The following ZNF503 variants were observed in gnomAD, a reference collection of about 807,000 sequenced individuals.
ZNF503 encodes the protein zinc finger protein 503.
ZNF503 carries 15 observed loss-of-function variants against 34.4 expected under a neutral mutation model. The observed-to-expected ratio is 0.44, with a 90% CI of 0.29 to 0.67. The LOEUF is 0.67. Among genes scored for constraint, ZNF503 ranks in the 30% least tolerant of loss-of-function variants. ZNF503 has a pLI of 0.13. For synonymous variants in ZNF503, 580 were observed against 456.8 expected, an observed-to-expected ratio of 1.27 and a Z score of -3.44; for missense variants, 1,007 against 926.8, an observed-to-expected ratio of 1.09 and a Z score of -1.12.
At chr10:75,365,154 C>CT in the ZNF503 span, among the ~76,000 whole-genome samples, 34 of 152,128 alleles carry the variant, frequency 2.2e-4, no homozygotes, top group Non-Finnish European at 3.5e-4. Flanking sequence ...TCAGTTTTTC[C>CT]TTTTTTTTCT....
the ZNF503 span, among the ~76,000 whole-genome samples, chr10:75,359,276 A>G: frequency 6.6e-6 from 1 of 152,240 alleles, no homozygotes; most frequent in African/African-American, 2.4e-5. Context: ...TTTTGGGCCC[A>G]GCCCCAGCAC....
chr10:75,396,656 G>A (rs957254609), downstream of ZNF503, among the ~76,000 whole-genome samples: 1 of 152,148 alleles, frequency 6.6e-6, no homozygotes, highest in African/African-American at 2.4e-5. The surrounding 1 kb of genome is among the most constrained non-coding windows in gnomAD (Gnocchi z 4.4). Flanking sequence ...CCGAGACTCG[G>A]AGAAACCGGA....
chr10:75,295,353 C>T, the ZNF503 span, among the ~76,000 whole-genome samples: 3 of 152,042 alleles, frequency 2.0e-5, no homozygotes, highest in Non-Finnish European at 4.4e-5. This position sits in a 1 kb window ranked among gnomAD's most constrained non-coding sequence, Gnocchi z 4.0. Flanking sequence ...GCCGCAGACC[C>T]AGAGGTTGAG....
chr10:75,303,174 G>A, the ZNF503 span, among the ~76,000 whole-genome samples: 13 of 152,272 alleles, frequency 8.5e-5, no homozygotes, highest in Admixed American at 2.0e-4. Context: ...AATCTGACTG[G>A]TCTAAACAGG....
the ZNF503 span, among the ~76,000 whole-genome samples, chr10:75,369,094 G>T: frequency 6.6e-6 from 1 of 152,032 alleles, no homozygotes; most frequent in African/African-American, 2.4e-5. Context: ...ATTATTAAGT[G>T]GGGGGAAAAA....
At chr10:75,362,812 G>A in the ZNF503 span, among the ~76,000 whole-genome samples, 3 of 152,208 alleles carry the variant, frequency 2.0e-5, no homozygotes, top group Admixed American at 6.5e-5. Context: ...GTGCGAGGGT[G>A]GGGGAACCAC....
the ZNF503 span, among the ~76,000 whole-genome samples, chr10:75,362,328 C>T: frequency 6.6e-6 from 1 of 152,064 alleles, no homozygotes; most frequent in Non-Finnish European, 1.5e-5. Context: ...TCCGTATATG[C>T]CCCAAAAGGG....
chr10:75,328,820 C>T, the ZNF503 span, among the ~76,000 whole-genome samples: 1 of 145,056 alleles, frequency 6.9e-6, no homozygotes, highest in African/African-American at 2.6e-5. Context: ...GATCTCGGCT[C>T]ACTGCAACCT....
the ZNF503 span, chr10:75,358,201 T>C: frequency 6.6e-5 from 10 of 152,320 alleles, no homozygotes; most frequent in East Asian, 1.9e-4. Context: ...GTGCTTTTCA[T>C]TGGCAGAACT....
At chr10:75,388,221 G>A in the ZNF503 span, among the ~76,000 whole-genome samples, 1 of 152,244 alleles carries the variant, frequency 6.6e-6, no homozygotes. Context: ...ACTAGAACAG[G>A]TGGGGCCAGT....
chr10:75,357,891 C>A, the ZNF503 span, among the ~76,000 whole-genome samples: 1 of 152,136 alleles, frequency 6.6e-6, no homozygotes, highest in Non-Finnish European at 1.5e-5. Flanking sequence ...GGTTAGACAC[C>A]AAAGACTCAT....
the ZNF503 span, among the ~76,000 whole-genome samples, chr10:75,337,472 A>C: frequency 6.7e-6 from 1 of 148,854 alleles, no homozygotes; most frequent in Non-Finnish European, 1.5e-5. Context: ...AAAATACAAA[A>C]ATTAGGGTGG....
the ZNF503 span, among the ~76,000 whole-genome samples, chr10:75,339,813 C>T: frequency 9.9e-4 from 151 of 152,192 alleles, no homozygotes; most frequent in African/African-American, 3.4e-3. Context: ...GCCAACCAAC[C>T]ATTGATTCGT....
At chr10:75,386,979 G>C in the ZNF503 span, among the ~76,000 whole-genome samples, 2 of 152,266 alleles carry the variant, frequency 1.3e-5, no homozygotes, top group Non-Finnish European at 2.9e-5. Flanking sequence ...TTTGAGGGCA[G>C]AGACCCTGTC....
At chr10:75,306,425 C>T in the ZNF503 span, among the ~76,000 whole-genome samples, 1 of 152,000 alleles carries the variant, frequency 6.6e-6, no homozygotes, top group African/African-American at 2.4e-5. Context: ...TTTAGTAGTT[C>T]TCTACATATT....
downstream of ZNF503, among the ~76,000 whole-genome samples, chr10:75,394,397 A>G (rs1038442393): frequency 6.6e-6 from 1 of 152,316 alleles, no homozygotes; most frequent in East Asian, 1.9e-4. Context: ...TCTAAGCACC[A>G]CCAGGCTGCT....
chr10:75,327,043 A>C, the ZNF503 span, among the ~76,000 whole-genome samples: 2 of 152,200 alleles, frequency 1.3e-5, no homozygotes, highest in South Asian at 4.1e-4. Context: ...GGTAATTAGC[A>C]TTCCATCACT....
chr10:75,280,976 C>G, the ZNF503 span, among the ~76,000 whole-genome samples: 1 of 152,236 alleles, frequency 6.6e-6, no homozygotes, highest in South Asian at 2.1e-4. Context: ...CTCTGCCTGG[C>G]TGGAGCAAGG....
At chr10:75,301,240 C>T in the ZNF503 span, among the ~76,000 whole-genome samples, 2 of 152,032 alleles carry the variant, frequency 1.3e-5, no homozygotes, top group African/African-American at 4.8e-5. Context: ...TAACACCTGC[C>T]ATTTTTCTTT....
Sources: gnomAD v4.1 joint callset for allele counts (sites outside exome capture counted in the v4.1 genomes callset) on GRCh38, gnomAD v4.1.1 for gene constraint, Gnocchi (gnomAD v3.1) non-coding constraint, MANE v1.5 for transcripts, NCBI Gene and HGNC (gene_info 2026-07-23, HGNC 2026-07-21) for gene names.